Variants in COL17A1 observed in about 807,000 individuals in gnomAD.
COL17A1 encodes the protein collagen type XVII alpha 1 chain, also known as collagen alpha-1(XVII) chain.
A neutral mutation model predicts 218.4 loss-of-function variants in COL17A1; 181 were observed. The observed-to-expected ratio is 0.83, with a 90% CI of 0.73 to 0.94. The LOEUF (loss-of-function observed/expected upper bound fraction) is 0.94, where lower values mean the gene tolerates loss of function less well. Ranked by LOEUF, COL17A1 falls within the 40% of genes least tolerant of loss-of-function variation. COL17A1 has a pLI of 0.00. For synonymous variants in COL17A1, 721 were observed against 731.0 expected (o/e 0.99, Z 0.22); for missense variants, 1,924 against 1,945.9 (o/e 0.99, Z 0.21).
intron 15 of COL17A1, 71 bp from the exon 16 acceptor site, chr10:104,058,261 A>AT (rs1446427916): frequency 2.5e-6 from 4 of 1,598,742 alleles, no homozygotes; most frequent in Non-Finnish European, 3.4e-6. Context: ...TGGAGTAGCC[A>AT]TTTTTTTATT....
Position 104,055,951 on chromosome 10 carries a change from C to G in COL17A1, c.1518G>C (p.Arg506Ser). 2.5e-6 allele frequency: 4 copies of G among 1,614,198 alleles called. No homozygotes were observed. Among genetic ancestry groups the G allele is most frequent in the Non-Finnish European group, 2.5e-6 (3 of 1,180,044 alleles). ...KARVDELERI[R>S]RSILPYGDSM... is the part of the protein sequence containing the mutation. ...TGTCCCCATAGGGCAGTATGCTCCT[C>G]CTGATCCTCTCCAGCTCATCCACAC... is the stretch of plus-strand genomic sequence containing the variant. Residue 506 changes from arginine (R) to serine (S), a missense_variant, in exon 18 of 56, where the codon AGG (arginine) becomes AGC (serine). Arg to Ser is a moderately radical substitution (Grantham distance 110). Transcript: ENST00000648076.
intron 9 of COL17A1, among the ~76,000 whole-genome samples, chr10:104,067,389 C>G (rs923684770): frequency 2.1e-5 from 3 of 146,126 alleles, no homozygotes; most frequent in African/African-American, 7.6e-5. Context: ...CCTAGTAGGG[C>G]AAGGCCTTTT....
rs755757138 is a variant in COL17A1 at position 104,037,788 on chromosome 10, ACAAAG to A, written c.3071-20_3071-16del. Reference sequence around the variant, plus strand: ...AATACTGTCACCTGCCGACCAAGGAACAAAGCAAAGTCAAGCCTGTCCCAAGAGGA... The same window carrying A: ...AATACTGTCACCTGCCGACCAAGGAACAAAGTCAAGCCTGTCCCAAGAGGA... On this transcript the variant is annotated splice_polypyrimidine_tract_variant and intron_variant, in intron 45 of 55. Transcript: ENST00000648076. 3 of 1,613,074 alleles carry A rather than the reference ACAAAG, an allele frequency of 1.9e-6. No individual in the cohort carries two copies. In the African/African-American group the frequency reaches 4.0e-5, roughly 22 times the overall value.
intron 8 of COL17A1, among the ~76,000 whole-genome samples, chr10:104,071,817 C>T (rs2086671224): frequency 6.6e-6 from 1 of 152,174 alleles, no homozygotes; most frequent in African/African-American, 2.4e-5. Context: ...AACTACTACA[C>T]AGCAGGAACC....
chr10:104,047,868 T>A (rs2086428128), intron 30 of COL17A1, 58 bp from the exon 31 acceptor site: 1 of 1,493,812 alleles, frequency 6.7e-7, no homozygotes, highest in Non-Finnish European at 9.3e-7. Flanking sequence ...AAACTGGTTA[T>A]CACATCTGAA....
chr10:104,064,312 G>T, intron 10 of COL17A1, 126 bp downstream of exon 10: 1 of 1,486,814 alleles, frequency 6.7e-7, no homozygotes, highest in Non-Finnish European at 9.2e-7. Context: ...CTCCTGGGAT[G>T]TTTGGCCACA....
chr10:104,057,896 G>A (rs1427233553), intron 16 of COL17A1, among the ~76,000 whole-genome samples: 3 of 152,040 alleles, frequency 2.0e-5, no homozygotes, highest in Non-Finnish European at 4.4e-5. Flanking sequence ...GTTAATTAGG[G>A]GCAGCTGGGG....
chr10:104,039,802 GCA>G (rs903531456), intron 41 of COL17A1, among the ~76,000 whole-genome samples, 162 bp from the exon 42 acceptor site: 9 of 146,806 alleles, frequency 6.1e-5, no homozygotes, highest in Non-Finnish European at 9.0e-5. Context: ...ACACGCACAC[GCA>G]CACTTGCACT....
rs772530995 is a variant in COL17A1 at position 104,064,428 on chromosome 10, CG to C, written c.766+9del. 8 of 1,613,840 alleles carry C rather than the reference CG, an allele frequency of 5.0e-6. No individual in the cohort carries two copies. The highest frequency in any genetic ancestry group is 6.8e-6 in the Non-Finnish European group (8 of 1,180,012). On this transcript the variant is annotated intron_variant, in intron 10 of 55. Transcript: ENST00000648076. The stretch of plus-strand genomic sequence containing the variant: ...GGGGTGAGAGAGGGTGTGGGCTGCC[CG>C]CCAGGTACCTGATCCCGCAGAGTAG...
intron 44 of COL17A1, 67 bp from the exon 45 acceptor site, chr10:104,038,595 A>G: frequency 6.3e-7 from 1 of 1,592,368 alleles, no homozygotes; most frequent in Non-Finnish European, 8.5e-7. Flanking sequence ...GGGCCCAGGA[A>G]TAGCTTCCAT....
At chr10:104,083,762 A>G (rs1020065556) in intron 1 of COL17A1, among the ~76,000 whole-genome samples, 1 of 152,354 alleles carries the variant, frequency 6.6e-6, no homozygotes, top group South Asian at 2.1e-4. Context: ...TATTCTAATG[A>G]CACATGAAAC....
At chr10:104,038,665 C>T in intron 44 of COL17A1, 137 bp from the exon 45 acceptor site, 1 of 1,106,532 alleles carries the variant, frequency 9.0e-7, no homozygotes, top group South Asian at 1.3e-5. Flanking sequence ...GGAGAAGGGT[C>T]CCCGAGAAGA....
intron 17 of COL17A1, among the ~76,000 whole-genome samples, chr10:104,056,375 A>T (rs113524473): frequency 6.6e-6 from 1 of 151,968 alleles, no homozygotes; most frequent in Non-Finnish European, 1.5e-5. Context: ...GGGGTCAGGA[A>T]ATCGAGACCA....
chr10:104,058,237 A>G, intron 15 of COL17A1, 47 bp from the exon 16 acceptor site: 1 of 1,613,338 alleles, frequency 6.2e-7, no homozygotes, highest in Non-Finnish European at 8.5e-7. Context: ...TGGAGGAGCT[A>G]GCTGCTCTGC....
chr10:104,036,736 G>T, intron 47 of COL17A1, 104 bp from the exon 48 acceptor site: 1 of 1,404,204 alleles, frequency 7.1e-7, no homozygotes, highest in South Asian at 1.2e-5. Flanking sequence ...GCTCCTGCGT[G>T]ACATTTGTGA....
Position 104,049,466 on chromosome 10 carries a change from G to T in COL17A1, c.2170C>A (p.Pro724Thr), listed in dbSNP as rs752227061. 4 of 1,614,048 alleles carry T rather than the reference G, an allele frequency of 2.5e-6. No individual in the cohort carries two copies. The highest frequency in any genetic ancestry group is 3.4e-6 in the Non-Finnish European group (4 of 1,180,012). ...EKGPRGLTGE[P>T]GMRGLPGAVG... Reference sequence around the variant, plus strand: ...GCACCAGGCAAACCTCTCATGCCAGGCTCGCCTGCAAAGGACAAAGAACTA... The same window carrying T: ...GCACCAGGCAAACCTCTCATGCCAGTCTCGCCTGCAAAGGACAAAGAACTA... The change falls in exon 29 of 56, where the codon CCT (proline) becomes ACT (threonine). Residue 724 changes from proline (P) to threonine (T), a missense_variant. By Grantham distance (38) the Pro-to-Thr change is conservative (BLOSUM62 -1). Transcript: ENST00000648076.
chr10:104,064,489 T>A lies in COL17A1; in HGVS notation c.715A>T (p.Thr239Ser). 1 of 1,614,184 alleles carries A rather than the reference T, an allele frequency of 6.2e-7. No individual in the cohort carries two copies. Among genetic ancestry groups the A allele is most frequent in the Non-Finnish European group, 8.5e-7 (1 of 1,180,032 alleles). ...SSMGTYHNNM[T>S]TQSSSLLNTN... ...TTGAGGAGGGATGAGCTCTGGGTTG[T>A]CATGTTGTTGTGATAGGTCCCCATG... The change falls in exon 10 of 56, where the codon ACA becomes TCA. Residue 239 changes from threonine (T) to serine (S), a missense_variant. Transcript: ENST00000648076.
chr10:104,050,947 T>C, intron 25 of COL17A1, 46 bp from the exon 26 acceptor site: 1 of 1,613,652 alleles, frequency 6.2e-7, no homozygotes, highest in Non-Finnish European at 8.5e-7. Flanking sequence ...ATCCCTAGCT[T>C]TGGAATGATG....
chr10:104,034,392 G>T lies in COL17A1; in HGVS notation c.3767-58C>A, dbSNP rs529780482. 1.5e-4 allele frequency: 226 copies of T among 1,514,428 alleles called. 2 individuals are homozygous for T. In the South Asian group the frequency reaches 2.4e-3, roughly 16 times the overall value. The allele number at this position is 1,514,428 out of a possible 1,614,324, so 93.8% of individuals were successfully genotyped here. A position where few individuals can be genotyped will look rare whatever the true frequency, so the allele number is the denominator to read the frequency against. The stretch of plus-strand genomic sequence containing the variant: ...CAGATCTCGGTGGAGAGAAAGACTT[G>T]GGAGTTAGGGAGTCTCTCCCAGGGT... On this transcript the variant is annotated intron_variant, in intron 51 of 55. Coordinates refer to ENST00000648076, the MANE Select transcript of COL17A1 (RefSeq NM_000494.4).
Sources: allele counts gnomAD v4.1 joint callset (sites outside exome capture counted in the v4.1 genomes callset), GRCh38; gene constraint gnomAD v4.1.1; transcripts MANE v1.5; gene names NCBI Gene and HGNC (gene_info 2026-07-23, HGNC 2026-07-21).